Variants in NMNAT2 observed in about 807,000 individuals in gnomAD.
NMNAT2 encodes the protein nicotinamide nucleotide adenylyltransferase 2.
Under a neutral mutation model 41.6 loss-of-function variants are expected in NMNAT2, and 11 were observed. That is an observed-to-expected ratio of 0.26 (90% CI 0.17 to 0.44). The LOEUF is 0.44. Among genes scored for constraint, NMNAT2 ranks in the 20% least tolerant of loss-of-function variants. The pLI, the probability that NMNAT2 is intolerant of heterozygous loss-of-function variation, is 1.00. For synonymous variants in NMNAT2, 148 were observed against 151.2 expected (o/e 0.98, Z 0.16); for missense variants, 288 against 407.7 (o/e 0.71, Z 2.53).
intron 8 of NMNAT2, among the ~76,000 whole-genome samples, chr1:183,272,977 C>T (rs1472293570): frequency 1.3e-5 from 2 of 152,208 alleles, no homozygotes; most frequent in Non-Finnish European, 2.9e-5. Flanking sequence ...AAAGCTGCCT[C>T]CCTGCATATT....
intron 1 of NMNAT2, among the ~76,000 whole-genome samples, chr1:183,361,102 A>G (rs1463324866): frequency 6.6e-6 from 1 of 152,196 alleles, no homozygotes; most frequent in Non-Finnish European, 1.5e-5. Flanking sequence ...TGCACATTGG[A>G]TGTTCAATAC....
chr1:183,280,210 C>T (rs1355534808), intron 7 of NMNAT2, among the ~76,000 whole-genome samples: 1 of 152,188 alleles, frequency 6.6e-6, no homozygotes, highest in Non-Finnish European at 1.5e-5. Flanking sequence ...TGTTGTTCCT[C>T]AGGCCCACTT....
chr1:183,323,950 G>A (rs903086769), intron 1 of NMNAT2, among the ~76,000 whole-genome samples: 1 of 152,182 alleles, frequency 6.6e-6, no homozygotes, highest in African/African-American at 2.4e-5. Context: ...GAGGGAGTGA[G>A]GTTTAAGAAT....
At position 183,297,110 on chromosome 1, in the gene NMNAT2, AC is replaced by A. The variant is rs532307514; in HGVS notation, c.86-3318del. ...CTTCATTCAAACCCAGCTCTACCCT[AC>A]CCCACATCTAGCATGCCTTCCCTGC... On this transcript the variant is annotated intron_variant, in intron 1 of 10. Coordinates refer to ENST00000287713, the MANE Select transcript of NMNAT2 (RefSeq NM_015039.4). 4.8e-3 allele frequency among the ~76,000 whole-genome samples: 688 copies of A among 143,492 alleles called. 8 individuals are homozygous for A. Among genetic ancestry groups the A allele is most frequent in the African/African-American group, 0.017 (669 of 38,280 alleles). 94.1% of individuals were successfully genotyped at this position (143,492 alleles called of 152,430 possible). A position where few individuals can be genotyped will look rare whatever the true frequency, so the allele number is the denominator to read the frequency against.
intron 5 of NMNAT2, among the ~76,000 whole-genome samples, chr1:183,285,738 CA>C (rs1302662002): frequency 6.6e-6 from 1 of 152,142 alleles, no homozygotes; most frequent in Non-Finnish European, 1.5e-5. Context: ...GACAAATCAG[CA>C]AATCACTTTT....
intron 1 of NMNAT2, among the ~76,000 whole-genome samples, chr1:183,316,728 T>C (rs574751612): frequency 1.1e-4 from 17 of 152,336 alleles, no homozygotes; most frequent in Admixed American, 4.6e-4. Context: ...TCCTTCTATA[T>C]TGTTGATACT....
intron 1 of NMNAT2, among the ~76,000 whole-genome samples, chr1:183,417,431 G>A (rs1649286067): frequency 6.6e-6 from 1 of 152,060 alleles, no homozygotes; most frequent in Admixed American, 6.5e-5. Flanking sequence ...GCCACCCTGG[G>A]CAGAGCCTCA....
chr1:183,265,228 A>G (rs1660779915), intron 8 of NMNAT2, among the ~76,000 whole-genome samples: 1 of 149,044 alleles, frequency 6.7e-6, no homozygotes. Context: ...AACCTTTTCC[A>G]TAAATAGAAA....
intron 1 of NMNAT2, among the ~76,000 whole-genome samples, chr1:183,352,791 C>T (rs978924609): frequency 6.6e-6 from 1 of 152,150 alleles, no homozygotes; most frequent in Admixed American, 6.5e-5. Context: ...AAAGGCCTCA[C>T]CTGGTTGAAG....
chr1:183,392,278 A>G lies in NMNAT2; in HGVS notation c.85+25905T>C, dbSNP rs1462230947. Among the ~76,000 whole-genome samples, 3 of 152,186 alleles carry G rather than the reference A, an allele frequency of 2.0e-5. No homozygotes were observed. In the East Asian group the frequency reaches 5.8e-4, roughly 29 times the overall value. On this transcript the variant is annotated intron_variant, in intron 1 of 10. Transcript: ENST00000287713. ...GGGTTCAGGCCAAAAGCCTTGGCTCATTCTTAATTCCTTTTTCTCTCTCAC... is the reference window on the plus strand; with the variant it reads ...GGGTTCAGGCCAAAAGCCTTGGCTCGTTCTTAATTCCTTTTTCTCTCTCAC...
intron 1 of NMNAT2, among the ~76,000 whole-genome samples, chr1:183,402,268 G>T (rs905712826): frequency 1.3e-5 from 2 of 152,090 alleles, no homozygotes; most frequent in Non-Finnish European, 2.9e-5. Flanking sequence ...CTCCTTTCTT[G>T]TCCTGAACCT....
intron 1 of NMNAT2, among the ~76,000 whole-genome samples, chr1:183,365,179 G>A (rs984254826): frequency 2.0e-5 from 3 of 152,140 alleles, no homozygotes; most frequent in Admixed American, 1.3e-4. Context: ...GGCAGGAAAA[G>A]TGGAGGTGGC....
intron 1 of NMNAT2, among the ~76,000 whole-genome samples, chr1:183,296,142 G>A (rs1025535979): frequency 7.9e-5 from 12 of 151,942 alleles, no homozygotes; most frequent in African/African-American, 2.4e-4. Flanking sequence ...GAGCCACCGC[G>A]CCCGGCCGGC....
chr1:183,364,907 G>T (rs1320392808), intron 1 of NMNAT2, among the ~76,000 whole-genome samples: 1 of 152,012 alleles, frequency 6.6e-6, no homozygotes. Context: ...TGGCCAGGCT[G>T]GTCTTGAACT....
intron 1 of NMNAT2, among the ~76,000 whole-genome samples, chr1:183,333,597 C>T (rs1662627289): frequency 6.6e-6 from 1 of 152,204 alleles, no homozygotes; most frequent in African/African-American, 2.4e-5. Flanking sequence ...TCCCCTAGAG[C>T]CTCTAAAAGC....
At chr1:183,338,924 A>C (rs1662735608) in intron 1 of NMNAT2, among the ~76,000 whole-genome samples, 1 of 152,122 alleles carries the variant, frequency 6.6e-6, no homozygotes, top group African/African-American at 2.4e-5. Flanking sequence ...ATGAGTTGGC[A>C]TGAAACAGGG....
chr1:183,392,929 C>T (rs1648523910), intron 1 of NMNAT2, among the ~76,000 whole-genome samples: 1 of 152,176 alleles, frequency 6.6e-6, no homozygotes, highest in South Asian at 2.1e-4. Context: ...CCCTAACATA[C>T]TACATCATTT....
intron 1 of NMNAT2, among the ~76,000 whole-genome samples, chr1:183,388,465 T>C (rs566978269): frequency 9.2e-5 from 14 of 152,312 alleles, no homozygotes; most frequent in African/African-American, 3.4e-4. Context: ...ACTTCTAAAA[T>C]TACTAATAAA....
intron 1 of NMNAT2, among the ~76,000 whole-genome samples, chr1:183,359,138 T>C (rs187003596): frequency 1.6e-4 from 25 of 152,268 alleles, no homozygotes; most frequent in Admixed American, 3.9e-4. Context: ...CATGAGATAG[T>C]TGATTTTATG....
Sources: allele counts gnomAD v4.1 joint callset (sites outside exome capture counted in the v4.1 genomes callset), GRCh38; gene constraint gnomAD v4.1.1; transcripts MANE v1.5; gene names NCBI Gene and HGNC (gene_info 2026-07-23, HGNC 2026-07-21).